Variants in CARF observed in about 807,000 individuals in gnomAD.
CARF encodes the protein calcium responsive transcription factor.
In CARF, 57 loss-of-function variants were observed where a neutral mutation model predicts 82.0. The ratio of observed to expected loss-of-function variants is 0.70; its 90% CI spans 0.56 to 0.87. The LOEUF is 0.87. Among genes scored for constraint, CARF ranks in the 40% least tolerant of loss-of-function variants. CARF has a pLI of 0.00. For synonymous variants in CARF, 268 were observed against 290.1 expected (o/e 0.92, Z 0.77); for missense variants, 771 against 855.8 (o/e 0.90, Z 1.24).
chr2:202,942,287 T>C (rs189292365), intron 4 of CARF, among the ~76,000 whole-genome samples: 4 of 151,528 alleles, frequency 2.6e-5, no homozygotes, highest in African/African-American at 9.7e-5. Context: ...GGCAGGAGAA[T>C]GGCGTGAACC....
chr2:202,954,280 A>G, intron 7 of CARF, 146 bp downstream of exon 7: 1 of 984,338 alleles, frequency 1.0e-6, no homozygotes, highest in Non-Finnish European at 1.4e-6. Flanking sequence ...ATTTTAAGGC[A>G]TCTTGGTCAT....
intron 9 of CARF, 70 bp downstream of exon 9, chr2:202,961,496 C>A: frequency 1.5e-6 from 2 of 1,373,886 alleles, no homozygotes; most frequent in Non-Finnish European, 2.0e-6. Context: ...TGTGATTTTC[C>A]TAAGGTGATA....
Position 202,912,647 on chromosome 2 carries a change from C to A in CARF, c.-785C>A, listed in dbSNP as rs1005197923. On this transcript the variant is annotated 5_prime_UTR_variant, in exon 1 of 17. Transcript: ENST00000438828. ...ACGGCTTCCGACCCCCGGCCCGGGA[C>A]GGGGCTCGCAGGCCCCAGAGGGGCA... 2.0e-5 allele frequency: 3 copies of A among 151,720 alleles called. No homozygotes were observed. Among genetic ancestry groups the A allele is most frequent in the African/African-American group, 7.3e-5 (3 of 41,344 alleles). 9.4% of individuals were successfully genotyped at this position (151,720 alleles called of 1,614,324 possible). A position where few individuals can be genotyped will look rare whatever the true frequency, so the allele number is the denominator to read the frequency against.
chr2:202,988,060 A>G lies in CARF; in HGVS notation c.*4436A>G, dbSNP rs1355884037. On this transcript the variant is annotated 3_prime_UTR_variant, in exon 17 of 17. Transcript: ENST00000438828. ...TTTGCTACAAATGAAATCACATAATATGAACCTTTTTTGGTCTAGCTTTTG... is the reference window on the plus strand; with the variant it reads ...TTTGCTACAAATGAAATCACATAATGTGAACCTTTTTTGGTCTAGCTTTTG... 9.2e-5 allele frequency among the ~76,000 whole-genome samples: 14 copies of G among 152,220 alleles called. No individual in the cohort carries two copies. Among genetic ancestry groups the G allele is most frequent in the Admixed American group, 9.2e-4 (14 of 15,284 alleles).
rs1693901699 is a variant in CARF at position 202,936,174 on chromosome 2, A to C, written c.-43-5686A>C. On this transcript the variant is annotated intron_variant, in intron 3 of 16. Coordinates refer to ENST00000438828, the MANE Select transcript of CARF (RefSeq NM_024744.17). ...ATGGAATGCCTGAACATCCCAAGAA[A>C]AATTCCTTAATATCAAATATCTAGT... Among the ~76,000 whole-genome samples, 6 of 152,278 alleles carry C rather than the reference A, an allele frequency of 3.9e-5. No individual in the cohort carries two copies. The South Asian group carries it at 1.0e-3, about 26-fold the overall frequency.
chr2:202,954,711 A>T (rs1483988248), intron 7 of CARF, among the ~76,000 whole-genome samples: 3 of 101,204 alleles, frequency 3.0e-5, no homozygotes, highest in Non-Finnish European at 4.4e-5. Context: ...GACATCATTT[A>T]AAAAAAAAAA....
chr2:202,974,271 T>A, intron 12 of CARF, 63 bp from the exon 13 acceptor site: 1 of 1,209,930 alleles, frequency 8.3e-7, no homozygotes, highest in Non-Finnish European at 1.1e-6. Flanking sequence ...CCTTTCTGTC[T>A]TTTGATCTAA....
intron 3 of CARF, among the ~76,000 whole-genome samples, chr2:202,935,748 A>G (rs1693830326): frequency 2.0e-5 from 3 of 152,132 alleles, no homozygotes; most frequent in African/African-American, 7.2e-5. Flanking sequence ...TTTTAAACAA[A>G]TCCTGGACAT....
At chr2:202,956,873 C>T (rs2059069974) in intron 8 of CARF, among the ~76,000 whole-genome samples, 1 of 152,140 alleles carries the variant, frequency 6.6e-6, no homozygotes, top group African/African-American at 2.4e-5. Flanking sequence ...ACTGCAACCT[C>T]CACCTCCCAG....
rs2058901314 is a variant in CARF, at chr2:202,954,071, A to G, written c.494A>G (p.Asn165Ser). The G allele has an allele frequency of 6.2e-7, 1 of 1,613,812 alleles. No homozygotes were observed. The highest frequency in any genetic ancestry group is 1.3e-5 in the African/African-American group (1 of 75,026). Residue 165 changes from asparagine to serine, a missense_variant, in exon 7 of 17, where the codon AAT becomes AGT. By Grantham distance (46) the Asn-to-Ser change is conservative. Transcript: ENST00000438828. ...PTVRVDTLAD[N>S]TSNYILHPQT... ...GTAAGAGTGGATACTCTAGCAGACA[A>G]TACCAGCAATTACATTCTTCATCCT...
At chr2:202,936,215 C>T (rs989857843) in intron 3 of CARF, among the ~76,000 whole-genome samples, 2 of 152,138 alleles carry the variant, frequency 1.3e-5, no homozygotes, top group Non-Finnish European at 2.9e-5. Flanking sequence ...TTCATATTTT[C>T]CTGCTTGTGT....
chr2:202,964,876 T>C (rs1340837964), intron 9 of CARF, among the ~76,000 whole-genome samples: 7 of 109,430 alleles, frequency 6.4e-5, no homozygotes, highest in East Asian at 2.2e-4. Flanking sequence ...TATATATACA[T>C]ATATGTGTAT....
chr2:202,917,026 C>T (rs186543244), intron 1 of CARF, among the ~76,000 whole-genome samples: 2 of 151,854 alleles, frequency 1.3e-5, no homozygotes, highest in East Asian at 1.9e-4. Flanking sequence ...CCGGCTAACA[C>T]GGTGAAACCC....
Position 202,940,200 on chromosome 2 carries a change from A to T in CARF, c.-43-1660A>T, listed in dbSNP as rs1181935572. 2.0e-5 allele frequency among the ~76,000 whole-genome samples: 3 copies of T among 151,214 alleles called. No individual in the cohort carries two copies. In the East Asian group the frequency reaches 5.9e-4, roughly 30 times the overall value. On this transcript the variant is annotated intron_variant, in intron 3 of 16. Coordinates refer to ENST00000438828, the MANE Select transcript of CARF (RefSeq NM_024744.17). The stretch of plus-strand genomic sequence containing the variant: ...AGGCATGCATCACTGTGCCCAGCTA[A>T]TTTTTGTATTTTTAGTAGAGACAGG...
intron 3 of CARF, among the ~76,000 whole-genome samples, chr2:202,930,968 C>CTTTTCT (rs1437479316): frequency 3.6e-4 from 37 of 103,190 alleles, no homozygotes; most frequent in African/African-American, 1.3e-3. Context: ...TTTTTCTTTT[C>CTTTTCT]TTTTTTTTTT....
At chr2:202,962,671 T>C (rs2059372782) in intron 9 of CARF, 1 of 152,232 alleles carries the variant, frequency 6.6e-6, no homozygotes, top group Admixed American at 6.5e-5. Context: ...TAATACATTT[T>C]ATTGTTTTGG....
chr2:202,938,778 G>C (rs144335487), intron 3 of CARF, among the ~76,000 whole-genome samples: 1 of 151,240 alleles, frequency 6.6e-6, no homozygotes, highest in Non-Finnish European at 1.5e-5. Flanking sequence ...ATGGGGTTTC[G>C]CCATGTTGGC....
At chr2:202,927,781 A>C (rs1692130689) in intron 3 of CARF, among the ~76,000 whole-genome samples, 1 of 149,636 alleles carries the variant, frequency 6.7e-6, no homozygotes, top group African/African-American at 2.5e-5. Flanking sequence ...ACTAGAACTT[A>C]TTCCTCCTAT....
At chr2:202,938,091 T>C (rs1299394462) in intron 3 of CARF, among the ~76,000 whole-genome samples, 1 of 152,220 alleles carries the variant, frequency 6.6e-6, no homozygotes, top group Non-Finnish European at 1.5e-5. Flanking sequence ...TTATCCTTTG[T>C]GTTATAAACA....
Sources: allele counts gnomAD v4.1 joint callset (sites outside exome capture counted in the v4.1 genomes callset), GRCh38; gene constraint gnomAD v4.1.1; transcripts MANE v1.5; gene names NCBI Gene and HGNC (gene_info 2026-07-23, HGNC 2026-07-21).